The following BCL2L12 variants were observed in gnomAD, a reference collection of about 807,000 sequenced individuals.
The protein encoded by BCL2L12 is BCL2 like 12.
In BCL2L12, 27 loss-of-function variants were observed where a neutral mutation model predicts 25.7. That is an observed-to-expected ratio of 1.05 (90% CI 0.78 to 1.45). The LOEUF (loss-of-function observed/expected upper bound fraction) is 1.45, where lower values mean the gene tolerates loss of function less well. BCL2L12 is among the 40% of genes most tolerant of loss of function. The pLI is 0.00. For missense variants in BCL2L12, 302 were observed against 329.8 expected (o/e 0.92, Z 0.65); for synonymous variants, 132 against 145.6 (o/e 0.91, Z 0.67).
intron 1 of BCL2L12, 36 bp from the exon 2 acceptor site, chr19:49,666,649 C>A (rs1200194674): frequency 1.3e-6 from 2 of 1,494,454 alleles, no homozygotes; most frequent in African/African-American, 1.4e-5. Flanking sequence ...TCTTGCTAAA[C>A]CCTTGGAGTC....
chr19:49,673,895 T>C lies in BCL2L12; in HGVS notation c.*147T>C. 3.5e-6 allele frequency: 3 copies of C among 852,564 alleles called. No individual in the cohort carries two copies. The South Asian group carries it at 5.8e-5, about 17-fold the overall frequency. 52.8% of individuals were successfully genotyped at this position (852,564 alleles called of 1,614,324 possible). On this transcript the variant is annotated 3_prime_UTR_variant, in exon 7 of 7. Transcript: ENST00000246784. ...AAAAATAAATTGTTTAAAACTTTTC[T>C]TATTAAAAACGTTACAAAGTATTCA...
In BCL2L12 at chr19:49,666,064, C is replaced by G. The variant is rs2081734791; in HGVS notation, c.-12C>G. ...GAGGAGGCGGCGGTGGGGCCCCGGA[C>G]CAGGTCAGCGGGGTGTTGACGAGGG... On this transcript the variant is annotated 5_prime_UTR_variant, in exon 1 of 7. Coordinates refer to ENST00000246784, the MANE Select transcript of BCL2L12 (RefSeq NM_138639.2). 1 of 1,549,378 alleles carries G rather than the reference C, an allele frequency of 6.5e-7. No homozygotes were observed. The highest frequency in any genetic ancestry group is 2.0e-5 in the Admixed American group (1 of 51,200).
In BCL2L12 at chr19:49,670,257, G is replaced by C; in HGVS notation, c.471G>C (p.Leu157=). ...DPALRSKLVR[L]SSDSFARLVE... ...CCCTGCGCAGCAAGCTGGTCCGCCT[G>C]TCCTCCGACTCTTTCGCCCGCCTGG... The change falls in exon 6 of 7, where the codon CTG becomes CTC. Residue 157 remains leucine, a synonymous_variant. Coordinates refer to ENST00000246784, the MANE Select transcript of BCL2L12 (RefSeq NM_138639.2). 6.2e-7 allele frequency: 1 copy of C among 1,610,126 alleles called. No homozygotes were observed. Among genetic ancestry groups the C allele is most frequent in the Non-Finnish European group, 8.5e-7 (1 of 1,179,654 alleles).
Position 49,666,066 on chromosome 19 carries a change from A to G in BCL2L12, c.-10A>G, listed in dbSNP as rs1197153703. 2.0e-6 allele frequency: 3 copies of G among 1,523,110 alleles called. No individual in the cohort carries two copies. Among genetic ancestry groups the G allele is most frequent in the Non-Finnish European group, 1.8e-6 (2 of 1,126,958 alleles). 94.3% of individuals were successfully genotyped at this position (1,523,110 alleles called of 1,614,324 possible). A position where few individuals can be genotyped will look rare whatever the true frequency, so the allele number is the denominator to read the frequency against. ...GGAGGCGGCGGTGGGGCCCCGGACC[A>G]GGTCAGCGGGGTGTTGACGAGGGGT... On this transcript the variant is annotated splice_region_variant and 5_prime_UTR_variant, in exon 1 of 7. Coordinates refer to ENST00000246784, the MANE Select transcript of BCL2L12 (RefSeq NM_138639.2).
chr19:49,666,575 C>A, intron 1 of BCL2L12, 110 bp from the exon 2 acceptor site: 2 of 758,732 alleles, frequency 2.6e-6, no homozygotes, highest in Non-Finnish European at 4.3e-6. Flanking sequence ...TCCAAAGGAC[C>A]CAGGAGTCCA....
At chr19:49,668,721 C>CA in intron 3 of BCL2L12, 130 bp from the exon 4 acceptor site, 1 of 975,960 alleles carries the variant, frequency 1.0e-6, no homozygotes, top group South Asian at 1.8e-5. Context: ...CTCCGTTTCC[C>CA]AAAATCAATA....
At chr19:49,671,956 A>G (rs1430575446) in intron 6 of BCL2L12, among the ~76,000 whole-genome samples, 1 of 151,908 alleles carries the variant, frequency 6.6e-6, no homozygotes, top group Non-Finnish European at 1.5e-5. Flanking sequence ...TTTTCCTTCC[A>G]TAGCACTTTG....
chr19:49,665,705 C>T, upstream of BCL2L12: 4 of 1,375,032 alleles, frequency 2.9e-6, no homozygotes, highest in African/African-American at 1.4e-5. Flanking sequence ...CTCTCAAACT[C>T]GAGGCTGCGC....
Position 49,665,976 on chromosome 19 carries a change from G to A in BCL2L12, c.-100G>A, listed in dbSNP as rs1348842402. 7 of 1,611,964 alleles carry A rather than the reference G, an allele frequency of 4.3e-6. No homozygotes were observed. In the African/African-American group the frequency reaches 9.3e-5, roughly 21 times the overall value. On this transcript the variant is annotated 5_prime_UTR_variant, in exon 1 of 7. Transcript: ENST00000246784. ...GTTATCGACCCGGCCCAGTGCGCAG[G>A]CGCGGGAAAGTTGAACTAATAAAGT...
intron 5 of BCL2L12, 142 bp downstream of exon 5, chr19:49,669,257 C>G: frequency 6.9e-7 from 1 of 1,448,332 alleles, no homozygotes; most frequent in Non-Finnish European, 9.1e-7. Context: ...GGGTTGAGGC[C>G]GGGTGTGGTG....
At chr19:49,669,492 C>T (rs568454232) in intron 5 of BCL2L12, among the ~76,000 whole-genome samples, 22 of 149,718 alleles carry the variant, frequency 1.5e-4, no homozygotes, top group African/African-American at 5.2e-4. Flanking sequence ...GCCAAGATTG[C>T]GCCACTGCAC....
At chr19:49,666,547 GC>G in intron 1 of BCL2L12, 137 bp from the exon 2 acceptor site, 1 of 602,120 alleles carries the variant, frequency 1.7e-6, no homozygotes. Flanking sequence ...AAGAGTCTAG[GC>G]CCCCAGACCC....
chr19:49,671,826 C>T (rs1030307466), intron 6 of BCL2L12, among the ~76,000 whole-genome samples: 10 of 152,172 alleles, frequency 6.6e-5, no homozygotes, highest in Admixed American at 2.0e-4. Context: ...CCCCTGCCTC[C>T]GTCCTGCTCC....
At chr19:49,667,318 C>A (rs932900525) in intron 3 of BCL2L12, among the ~76,000 whole-genome samples, 157 bp downstream of exon 3, 1 of 152,164 alleles carries the variant, frequency 6.6e-6, no homozygotes, top group African/African-American at 2.4e-5. Flanking sequence ...AGATTTCTGT[C>A]AATTCTGTGG....
At chr19:49,670,926 G>A (rs557964833) in intron 6 of BCL2L12, among the ~76,000 whole-genome samples, 188 of 152,162 alleles carry the variant, frequency 1.2e-3, no homozygotes, top group African/African-American at 4.4e-3. Flanking sequence ...TTGGGAGGCC[G>A]AGGCAGGTGG....
upstream of BCL2L12, chr19:49,665,840 GGC>G (rs2081711835): frequency 6.3e-7 from 1 of 1,598,108 alleles, no homozygotes; most frequent in African/African-American, 1.3e-5. Flanking sequence ...CGGCCCGCTG[GGC>G]TGTTCCCGCC....
At position 49,672,804 on chromosome 19, in the gene BCL2L12, C is replaced by T. The variant is rs1015554692; in HGVS notation, c.703-894C>T. ...GGTCCGGTCTACAGTAAGATCAGAA[C>T]TCATAGCACATGTTGAGGGGAATGG... is the stretch of plus-strand genomic sequence containing the variant. On this transcript the variant is annotated intron_variant, in intron 6 of 6. Transcript: ENST00000246784. This position sits in a 1 kb window ranked among gnomAD's most constrained non-coding sequence, Gnocchi z 4.1. Among the ~76,000 whole-genome samples, 11 of 152,118 alleles carry T rather than the reference C, an allele frequency of 7.2e-5. No homozygotes were observed. Among genetic ancestry groups the T allele is most frequent in the Non-Finnish European group, 1.5e-4 (10 of 68,028 alleles).
rs951648856 is a variant in BCL2L12, at chr19:49,668,714, C to T, written c.251-137C>T. 44 of 896,710 alleles carry T rather than the reference C, an allele frequency of 4.9e-5. No individual in the cohort carries two copies. The East Asian group carries it at 6.3e-4, about 13-fold the overall frequency. The allele number at this position is 896,710 out of a possible 1,614,324, so 55.5% of individuals were successfully genotyped here. On this transcript the variant is annotated intron_variant, in intron 3 of 6. Transcript: ENST00000246784. ...CTGAGGCAGGAGAATTGCGAGACTC[C>T]GTTTCCCAAAATCAATACATAAATA...
Position 49,672,507 on chromosome 19 carries a change from G to A in BCL2L12, c.703-1191G>A, listed in dbSNP as rs185852698. Among the ~76,000 whole-genome samples the A allele has an allele frequency of 2.1e-3, 326 of 152,338 alleles. No homozygotes were observed. Among genetic ancestry groups the A allele is most frequent in the Middle Eastern group, 6.8e-3 (2 of 294 alleles). ...GGCGCTGATTTAGGCGCTAATGGGCGCCCTCTGGCGGCTGCCTGGGGACAG... is the reference window on the plus strand; with the variant it reads ...GGCGCTGATTTAGGCGCTAATGGGCACCCTCTGGCGGCTGCCTGGGGACAG... On this transcript the variant is annotated intron_variant, in intron 6 of 6. Coordinates refer to ENST00000246784, the MANE Select transcript of BCL2L12 (RefSeq NM_138639.2). The surrounding 1 kb of genome is among the most constrained non-coding windows in gnomAD (Gnocchi z 4.1).
Sources: gnomAD v4.1 joint callset for allele counts (sites outside exome capture counted in the v4.1 genomes callset) on GRCh38, gnomAD v4.1.1 for gene constraint, Gnocchi (gnomAD v3.1) non-coding constraint, MANE v1.5 for transcripts, NCBI Gene and HGNC (gene_info 2026-07-23, HGNC 2026-07-21) for gene names.